The following PCDHGB5 variants were observed in gnomAD, a reference collection of about 807,000 sequenced individuals.
PCDHGB5 encodes protocadherin gamma subfamily B, 5, also known as protocadherin gamma-B5.
A neutral mutation model predicts 62.9 loss-of-function variants in PCDHGB5; 48 were observed. That is an observed-to-expected ratio of 0.76 (90% confidence interval 0.61 to 0.97). The LOEUF is 0.97. Among genes scored for constraint, PCDHGB5 ranks in the 50% least tolerant of loss-of-function variants. The pLI, the probability that PCDHGB5 is intolerant of heterozygous loss-of-function variation, is 0.00. For synonymous variants in PCDHGB5, 474 were observed against 511.2 expected (o/e 0.93, Z 0.98); for missense variants, 1,118 against 1,198.6 (o/e 0.93, Z 0.99).
chr5:141,434,889 A>C (rs1213631251), intron 1 of PCDHGB5, among the ~76,000 whole-genome samples: 2 of 151,512 alleles, frequency 1.3e-5, no homozygotes, highest in African/African-American at 4.8e-5. Context: ...ACAACAATCC[A>C]GTCCCCTTCC....
chr5:141,403,137 G>C (rs2094359580), intron 1 of PCDHGB5: 1 of 1,614,038 alleles, frequency 6.2e-7, no homozygotes, highest in Non-Finnish European at 8.5e-7. Flanking sequence ...CTGGCGGAGC[G>C]CCGAGTCCGC....
Position 141,489,276 on chromosome 5 carries a change from AT to A in PCDHGB5, c.2398-5530del, listed in dbSNP as rs2099684949. 1.9e-6 allele frequency: 3 copies of A among 1,556,004 alleles called. No homozygotes were observed. Among genetic ancestry groups the A allele is most frequent in the Non-Finnish European group, 2.6e-6 (3 of 1,151,570 alleles). ...AGACACTCCCACAGCTCGCTGGGAA[AT>A]GGCAAGTGCTGTGCATGTTGTCCTT... On this transcript the variant is annotated intron_variant, in intron 1 of 3. Coordinates refer to ENST00000617380, the MANE Select transcript of PCDHGB5 (RefSeq NM_018925.3). This position sits in a 1 kb window ranked among gnomAD's most constrained non-coding sequence, Gnocchi z 4.5.
chr5:141,418,513 G>A (rs377653202), intron 1 of PCDHGB5: 1 of 1,613,960 alleles, frequency 6.2e-7, no homozygotes, highest in Non-Finnish European at 8.5e-7. Flanking sequence ...TAGATGGTGG[G>A]GACCCTCCCC....
rs2093897872 is a variant in PCDHGB5, at chr5:141,399,826, G to C, written c.1699G>C (p.Gly567Arg). The change falls in exon 1 of 4, where the codon GGC becomes CGC. Residue 567 changes from glycine to arginine, a missense_variant. Physicochemically the swap from Gly to Arg is moderately radical, Grantham distance 125 (BLOSUM62 -2). Around this residue, in one of 2 missense-constraint regions of PCDHGB5, gnomAD observed 1,034 missense variants for 1,029.1 expected, o/e 1.00. Transcript: ENST00000617380. The part of the protein sequence containing the change: ...RVLYPALGPD[G>R]SALFDMVPRA... ...GCTGTACCCCGCGCTGGGTCCCGAC[G>C]GCTCTGCGCTCTTCGATATGGTGCC... The C allele has an allele frequency of 1.2e-6, 2 of 1,613,066 alleles. No homozygotes were observed. Among genetic ancestry groups the C allele is most frequent in the Non-Finnish European group, 1.7e-6 (2 of 1,179,778 alleles).
rs769351399 is a variant in PCDHGB5, at chr5:141,432,649, A to G, written c.2397+32125A>G. The G allele has an allele frequency of 6.2e-7, 1 of 1,613,742 alleles. No homozygotes were observed. The highest frequency in any genetic ancestry group is 1.1e-5 in the South Asian group (1 of 91,054). ...ACACGGGCGAGGTGCGCACGGCGCG[A>G]GCCCTGCTGGACAGAGACGCGCTCA... is the stretch of plus-strand genomic sequence containing the variant. On this transcript the variant is annotated intron_variant, in intron 1 of 3. Coordinates refer to ENST00000617380, the MANE Select transcript of PCDHGB5 (RefSeq NM_018925.3). The surrounding 1 kb of genome is among the most constrained non-coding windows in gnomAD (Gnocchi z 6.0).
At chr5:141,510,816 A>G (rs1478938067) in intron 3 of PCDHGB5, 131 bp from the exon 4 acceptor site, 2 of 1,547,282 alleles carry the variant, frequency 1.3e-6, no homozygotes, top group Non-Finnish European at 1.8e-6. Context: ...GGTGACCCCT[A>G]TATTCCCAGT....
Position 141,476,416 on chromosome 5 carries a change from A to G in PCDHGB5, c.2398-18391A>G. On this transcript the variant is annotated intron_variant, in intron 1 of 3. Coordinates refer to ENST00000617380, the MANE Select transcript of PCDHGB5 (RefSeq NM_018925.3). The surrounding 1 kb of genome is among the most constrained non-coding windows in gnomAD (Gnocchi z 7.6). ...TGGATCGAGAGGAGCTGTGTGGGAC[A>G]CTGCCCTCTTGCACTGTAACTCTGG... 1 of 1,614,056 alleles carries G rather than the reference A, an allele frequency of 6.2e-7. No individual in the cohort carries two copies. The highest frequency in any genetic ancestry group is 8.5e-7 in the Non-Finnish European group (1 of 1,179,994).
chr5:141,419,647 G>C (rs370948584), intron 1 of PCDHGB5: 6 of 1,612,592 alleles, frequency 3.7e-6, no homozygotes, highest in Non-Finnish European at 5.1e-6. Context: ...CCGTGGACGC[G>C]GACTCGGGGC....
chr5:141,464,578 A>G (rs2099086989), intron 1 of PCDHGB5, among the ~76,000 whole-genome samples: 1 of 152,164 alleles, frequency 6.6e-6, no homozygotes, highest in Non-Finnish European at 1.5e-5. Flanking sequence ...ATAGATGAGA[A>G]TGTCCATTGT....
chr5:141,455,817 A>G (rs1251279680), intron 1 of PCDHGB5, among the ~76,000 whole-genome samples: 3 of 151,882 alleles, frequency 2.0e-5, no homozygotes, highest in Non-Finnish European at 4.4e-5. Flanking sequence ...AAAACTTCCC[A>G]AGGACCCCTT....
At chr5:141,484,176 A>G (rs1044076131) in intron 1 of PCDHGB5, among the ~76,000 whole-genome samples, 1 of 152,236 alleles carries the variant, frequency 6.6e-6, no homozygotes, top group East Asian at 1.9e-4. Context: ...GCTGATCTCA[A>G]TCATTCAAGG....
At chr5:141,503,598 CAAAAAAA>C (rs765754054) in intron 2 of PCDHGB5, among the ~76,000 whole-genome samples, 8 of 65,766 alleles carry the variant, frequency 1.2e-4, no homozygotes, top group South Asian at 1.1e-3. Context: ...GACTCCAGCT[CAAAAAAA>C]AAAAAAAAAG....
intron 1 of PCDHGB5, among the ~76,000 whole-genome samples, chr5:141,474,130 C>G (rs28684928): frequency 6.6e-6 from 1 of 152,160 alleles, no homozygotes; most frequent in Non-Finnish European, 1.5e-5. Context: ...TCTCAGAAAA[C>G]TACAGGCCTT....
At chr5:141,413,407 CTT>C (rs758693256) in intron 1 of PCDHGB5, 1 of 1,613,926 alleles carries the variant, frequency 6.2e-7, no homozygotes, top group Non-Finnish European at 8.5e-7. Context: ...TAGGACGCAG[CTT>C]TTCTCTCTGA....
intron 1 of PCDHGB5, chr5:141,478,484 C>A (rs376021397): frequency 1.2e-5 from 20 of 1,613,340 alleles, no homozygotes; most frequent in Non-Finnish European, 1.4e-5. Context: ...GAACACGCTG[C>A]GGAGCTGTGA....
chr5:141,465,643 C>T (rs561758040), intron 1 of PCDHGB5, among the ~76,000 whole-genome samples: 2 of 152,306 alleles, frequency 1.3e-5, no homozygotes, highest in East Asian at 3.9e-4. Flanking sequence ...ATGCTTTGAA[C>T]ATCCCAAAAA....
chr5:141,444,410 A>G (rs2098435910), intron 1 of PCDHGB5, among the ~76,000 whole-genome samples: 1 of 151,922 alleles, frequency 6.6e-6, no homozygotes, highest in African/African-American at 2.4e-5. Flanking sequence ...ACCTCAGGTG[A>G]TCTTCCCTCC....
In PCDHGB5 at chr5:141,498,823, C is replaced by A. The variant is rs540865523; in HGVS notation, c.2456+3958C>A. ...TGGTGCACACCTGTAGTCCCAGCTA[C>A]TCAGGAGGCTGAGGCAGGGGAATCG... On this transcript the variant is annotated intron_variant, in intron 2 of 3. Coordinates refer to ENST00000617380, the MANE Select transcript of PCDHGB5 (RefSeq NM_018925.3). Among the ~76,000 whole-genome samples the A allele has an allele frequency of 9.2e-5, 14 of 152,166 alleles. No homozygotes were observed. The East Asian group carries it at 1.5e-3, about 17-fold the overall frequency.
In PCDHGB5 at chr5:141,415,740, GTTTTTTTTTT is replaced by G. The variant is rs57426385; in HGVS notation, c.2397+15239_2397+15248del. The G allele has an allele frequency of 4.3e-3, 2,655 of 623,934 alleles. 2 individuals carry two copies. The highest frequency in any genetic ancestry group is 4.3e-3 in the Non-Finnish European group (2,016 of 468,394). The allele number at this position is 623,934 out of a possible 1,614,324, so 38.6% of individuals were successfully genotyped here. ...TGAGTAGAATTTGATGTTTATTAAG[GTTTTTTTTTT>G]TTTTTTTTTTTTTTTTTTTTTTACT... On this transcript the variant is annotated intron_variant, in intron 1 of 3. Coordinates refer to ENST00000617380, the MANE Select transcript of PCDHGB5 (RefSeq NM_018925.3).
Sources: gnomAD v4.1 joint callset for allele counts (sites outside exome capture counted in the v4.1 genomes callset) on GRCh38, gnomAD v4.1.1 for gene constraint, gnomAD v4.1.1 regional missense constraint, Gnocchi (gnomAD v3.1) non-coding constraint, MANE v1.5 for transcripts, NCBI Gene and HGNC (gene_info 2026-07-23, HGNC 2026-07-21) for gene names.